TRPC5: variants seen among roughly 807,000 people sequenced by gnomAD.
The protein encoded by TRPC5 is transient receptor potential cation channel subfamily C member 5, also known as short transient receptor potential channel 5.
In TRPC5, 9 loss-of-function variants were observed where a neutral mutation model predicts 56.5. The observed-to-expected ratio is 0.16, with a 90% CI of 0.10 to 0.28. The LOEUF is 0.28. Among genes scored for constraint, TRPC5 ranks in the 10% least tolerant of loss-of-function variants. The pLI, the probability that TRPC5 is intolerant of heterozygous loss-of-function variation, is 1.00. For synonymous variants in TRPC5, 282 were observed against 278.5 expected, an observed-to-expected ratio of 1.01 and a Z score of -0.13; for missense variants, 469 against 748.9, an observed-to-expected ratio of 0.63 and a Z score of 4.36.
At chrX:111,807,954 CTCTGTGTG>C (rs1404080570) in intron 7 of TRPC5, among the ~76,000 whole-genome samples, 1 of 85,406 alleles carries the variant, frequency 1.2e-5, no homozygotes, top group African/African-American at 7.7e-5. Context: ...CTCTCTCTCT[CTCTGTGTG>C]TGTGTGTGTG....
At chrX:111,934,128 T>C (rs1452907260) in intron 2 of TRPC5, among the ~76,000 whole-genome samples, 1 of 109,979 alleles carries the variant, frequency 9.1e-6, no homozygotes, top group African/African-American at 3.4e-5. Context: ...TTTAGTTTAA[T>C]GCAATCCCAT....
chrX:111,917,242 G>T (rs1023494925), intron 2 of TRPC5, among the ~76,000 whole-genome samples: 3 of 112,560 alleles, frequency 2.7e-5, no homozygotes, highest in Non-Finnish European at 5.6e-5. Flanking sequence ...GGGAAGAGGA[G>T]CAGATAACCC....
intron 7 of TRPC5, among the ~76,000 whole-genome samples, chrX:111,813,888 C>T (rs1218553850): frequency 8.9e-6 from 1 of 111,973 alleles, no homozygotes; most frequent in Non-Finnish European, 1.9e-5. Context: ...CAAAGAGAAG[C>T]GAGAGGGTTC....
chrX:111,793,215 C>T (rs146113183), intron 7 of TRPC5, among the ~76,000 whole-genome samples: 1,173 of 111,182 alleles, frequency 0.011, 10 homozygotes, highest in Non-Finnish European at 0.013. Context: ...GTCCCATCAG[C>T]GTCCCGAAGG....
chrX:111,793,201 G>A (rs1433153711), intron 7 of TRPC5, among the ~76,000 whole-genome samples: 2 of 111,342 alleles, frequency 1.8e-5, no homozygotes, highest in Non-Finnish European at 3.8e-5. Context: ...TCCCCAGGAA[G>A]AGAGTCCCAT....
chrX:111,984,325 G>C (rs907929201), intron 1 of TRPC5, among the ~76,000 whole-genome samples: 4 of 111,564 alleles, frequency 3.6e-5, no homozygotes, highest in African/African-American at 1.3e-4. Flanking sequence ...CAGCAGCCTG[G>C]ATCTTATTCT....
intron 3 of TRPC5, among the ~76,000 whole-genome samples, chrX:111,910,932 C>T (rs1173913114): frequency 1.8e-5 from 2 of 112,655 alleles, no homozygotes; most frequent in African/African-American, 6.5e-5. Context: ...GGGAGGTGAG[C>T]ACAACACCAG....
intron 1 of TRPC5, among the ~76,000 whole-genome samples, chrX:112,034,659 A>C (rs1321971991): frequency 9.1e-6 from 1 of 110,218 alleles, no homozygotes; most frequent in Non-Finnish European, 1.9e-5. Context: ...CATAGTGTAT[A>C]ATGTTTTAAT....
chrX:111,984,053 G>A (rs1352884849), intron 1 of TRPC5, among the ~76,000 whole-genome samples: 1 of 111,578 alleles, frequency 9.0e-6, no homozygotes, highest in African/African-American at 3.3e-5. Context: ...CCAAGTTCAT[G>A]ATGTGCAGCT....
chrX:111,938,137 GCTCT>G (rs769152383), intron 2 of TRPC5, among the ~76,000 whole-genome samples: 5,384 of 94,787 alleles, frequency 0.057, 221 homozygotes, highest in Non-Finnish European at 0.088. Flanking sequence ...TCATGATTTG[GCTCT>G]CTGTTTGTCT....
At chrX:112,049,432 TAC>T (rs762624712) in intron 1 of TRPC5, among the ~76,000 whole-genome samples, 5,829 of 104,034 alleles carry the variant, frequency 0.056, 443 homozygotes, top group African/African-American at 0.18. Flanking sequence ...CGCATATATA[TAC>T]ACACACACAC....
At chrX:111,901,949 G>A in intron 3 of TRPC5, 1 of 1,154,513 alleles carries the variant, frequency 8.7e-7, no homozygotes, top group African/African-American at 1.8e-5. Context: ...CATTCTACAA[G>A]TACAAGAAGT....
intron 6 of TRPC5, among the ~76,000 whole-genome samples, chrX:111,842,876 G>A (rs559424415): frequency 8.9e-6 from 1 of 111,747 alleles, no homozygotes; most frequent in Non-Finnish European, 1.9e-5. Flanking sequence ...AGTCATCCTG[G>A]GGGGGCAGGG....
intron 1 of TRPC5, among the ~76,000 whole-genome samples, chrX:112,039,898 T>C (rs1363893406): frequency 8.9e-6 from 1 of 112,178 alleles, no homozygotes; most frequent in Non-Finnish European, 1.9e-5. Context: ...AAAAGACAAA[T>C]AGCTCAATGT....
rs140873885 is a variant in TRPC5 at position 112,031,130 on chromosome X, C to T, written c.-22+50749G>A. On this transcript the variant is annotated intron_variant, in intron 1 of 10. Transcript: ENST00000262839. ...ACAGTTATTGCTTTCCATAAGAGTTCTGATAAGCAGGGAAATCTCGATCTT... is the reference window on the plus strand; with the variant it reads ...ACAGTTATTGCTTTCCATAAGAGTTTTGATAAGCAGGGAAATCTCGATCTT... 6.8e-3 allele frequency among the ~76,000 whole-genome samples: 757 copies of T among 111,803 alleles called. 4 individuals carry two copies. The highest frequency in any genetic ancestry group is 0.022 in the South Asian group (57 of 2,650).
At chrX:111,783,401 C>A (rs1945936183) in intron 7 of TRPC5, among the ~76,000 whole-genome samples, 1 of 111,180 alleles carries the variant, frequency 9.0e-6, no homozygotes, top group Non-Finnish European at 1.9e-5. Context: ...ATACTGTTTT[C>A]CATTTTCACT....
chrX:111,807,351 G>A (rs764132039), intron 7 of TRPC5, among the ~76,000 whole-genome samples: 1 of 111,973 alleles, frequency 8.9e-6, no homozygotes, highest in Non-Finnish European at 1.9e-5. Flanking sequence ...GCTATTGAGA[G>A]ACTCATGCAT....
intron 1 of TRPC5, among the ~76,000 whole-genome samples, chrX:112,011,832 C>T (rs911976312): frequency 8.9e-6 from 1 of 111,933 alleles, no homozygotes; most frequent in Non-Finnish European, 1.9e-5. Context: ...TGTTCCAAGA[C>T]CCCAGTGGAT....
At chrX:111,907,000 G>A (rs966120558) in intron 3 of TRPC5, among the ~76,000 whole-genome samples, 3 of 109,577 alleles carry the variant, frequency 2.7e-5, no homozygotes, top group Non-Finnish European at 5.7e-5. Context: ...TTCTCTTTTA[G>A]CTCAGTTATT....
Sources: gnomAD v4.1 joint callset for allele counts (sites outside exome capture counted in the v4.1 genomes callset) on GRCh38, gnomAD v4.1.1 for gene constraint, MANE v1.5 for transcripts, NCBI Gene and HGNC (gene_info 2026-07-23, HGNC 2026-07-21) for gene names.